Variants in CDC5L observed in about 807,000 individuals in gnomAD.
CDC5L encodes the protein cell division cycle 5 like.
A neutral mutation model predicts 104.1 loss-of-function variants in CDC5L; 18 were observed. That is an observed-to-expected ratio of 0.17 (90% CI 0.12 to 0.26). The LOEUF (loss-of-function observed/expected upper bound fraction) is 0.26. Ranked by LOEUF, CDC5L falls within the 10% of genes least tolerant of loss-of-function variation. CDC5L has a pLI of 1.00. For missense variants in CDC5L, 673 were observed against 956.9 expected, an observed-to-expected ratio of 0.70 and a Z score of 3.91; for synonymous variants, 331 against 322.7, an observed-to-expected ratio of 1.03 and a Z score of -0.28.
At chr6:44,397,535 C>T (rs1244374437) in intron 5 of CDC5L, among the ~76,000 whole-genome samples, 1 of 152,152 alleles carries the variant, frequency 6.6e-6, no homozygotes, top group Non-Finnish European at 1.5e-5. Context: ...AGAGGTAATG[C>T]CCAGTTTATC....
chr6:44,404,453 A>G (rs1244463101), intron 6 of CDC5L, among the ~76,000 whole-genome samples: 3 of 152,088 alleles, frequency 2.0e-5, no homozygotes, highest in Admixed American at 6.6e-5. Flanking sequence ...TATTAGTACA[A>G]TGTGGCCTAC....
At chr6:44,409,710 CT>C (rs1791542311) in intron 8 of CDC5L, among the ~76,000 whole-genome samples, 1 of 152,162 alleles carries the variant, frequency 6.6e-6, no homozygotes, top group Admixed American at 6.5e-5. Flanking sequence ...TTGAAGAAAT[CT>C]TTCTTAGAAC....
rs12196243 is a variant in CDC5L at position 44,441,964 on chromosome 6, G to A, written c.2092-3691G>A. Among the ~76,000 whole-genome samples, 12 of 120,974 alleles carry A rather than the reference G, an allele frequency of 9.9e-5. No individual in the cohort carries two copies. The Admixed American group carries it at 1.2e-3, about 12-fold the overall frequency. The allele number at this position is 120,974 out of a possible 152,430, so 79.4% of individuals were successfully genotyped here. On this transcript the variant is annotated intron_variant, in intron 14 of 15. Coordinates refer to ENST00000371477, the MANE Select transcript of CDC5L (RefSeq NM_001253.4). ...TTTTTTTTTTTTTTTTTGAGACAGA[G>A]CCTCCTTCTGTCGCCAGGCTGGAGT...
chr6:44,422,614 C>CA, intron 9 of CDC5L, 33 bp from the exon 10 acceptor site: 3 of 1,410,962 alleles, frequency 2.1e-6, no homozygotes, highest in Non-Finnish European at 2.9e-6. Context: ...ATGTAAGTGG[C>CA]ACTTCTGTTA....
At chr6:44,404,647 A>G (rs1362646824) in intron 6 of CDC5L, among the ~76,000 whole-genome samples, 3 of 152,128 alleles carry the variant, frequency 2.0e-5, no homozygotes, top group Admixed American at 6.6e-5. Flanking sequence ...TAGTTTTACT[A>G]GTGGCTGAGG....
At chr6:44,393,643 C>G in intron 4 of CDC5L, 70 bp downstream of exon 4, 4 of 1,439,664 alleles carry the variant, frequency 2.8e-6, no homozygotes, top group Non-Finnish European at 3.8e-6. Flanking sequence ...TCTTTTAGTT[C>G]CTTTCTGAAC....
chr6:44,416,810 T>C (rs780699601), intron 8 of CDC5L, among the ~76,000 whole-genome samples: 36 of 152,210 alleles, frequency 2.4e-4, no homozygotes, highest in Non-Finnish European at 3.2e-4. Flanking sequence ...CGTCACCCAC[T>C]CTTCCAGGAA....
chr6:44,396,501 A>AG, intron 5 of CDC5L, 61 bp downstream of exon 5: 8 of 1,056,360 alleles, frequency 7.6e-6, no homozygotes, highest in Non-Finnish European at 1.1e-5. Context: ...TCAACACAGA[A>AG]TACTTCTGTG....
Position 44,446,708 on chromosome 6 carries a change from C to G in CDC5L, c.2406C>G (p.Phe802Leu). Reference sequence around the variant, plus strand: ...AGAAAGAGACTTTAAAGTCAAAATTCTGAAGTACAGTTTATATTCTGTCAC... The same window carrying G: ...AGAAAGAGACTTTAAAGTCAAAATTGTGAAGTACAGTTTATATTCTGTCAC... Reference protein sequence around the residue: ...LLEKETLKSKF With the variant: ...LLEKETLKSKL Residue 802 changes from phenylalanine to leucine, a missense_variant, in exon 16 of 16, where the codon TTC becomes TTG. Physicochemically the swap from Phe to Leu is conservative, Grantham distance 22. This residue lies in a region of CDC5L where 578 missense variants were observed against 737.0 expected (regional missense o/e 0.78). Transcript: ENST00000371477. 1 of 1,469,144 alleles carries G rather than the reference C, an allele frequency of 6.8e-7. No homozygotes were observed. The highest frequency in any genetic ancestry group is 9.4e-7 in the Non-Finnish European group (1 of 1,061,420). The allele number at this position is 1,469,144 out of a possible 1,614,324, so 91.0% of individuals were successfully genotyped here.
intron 4 of CDC5L, among the ~76,000 whole-genome samples, chr6:44,395,881 G>A (rs1448217956): frequency 2.0e-5 from 3 of 151,522 alleles, no homozygotes; most frequent in African/African-American, 7.3e-5. Context: ...GTTCTGAGGG[G>A]AAAAAAAAGT....
At chr6:44,435,279 A>C (rs1187901993) in intron 14 of CDC5L, among the ~76,000 whole-genome samples, 1 of 151,632 alleles carries the variant, frequency 6.6e-6, no homozygotes, top group Non-Finnish European at 1.5e-5. Context: ...TTTTTTTGAG[A>C]GATATTTGTT....
Position 44,449,284 on chromosome 6 carries a change from T to C in CDC5L, c.*2573T>C, listed in dbSNP as rs552102155. 6.6e-6 allele frequency: 1 copy of C among 152,196 alleles called. No homozygotes were observed. Among genetic ancestry groups the C allele is most frequent in the African/African-American group, 2.4e-5 (1 of 41,454 alleles). The allele number at this position is 152,196 out of a possible 1,614,324, so 9.4% of individuals were successfully genotyped here. A position where few individuals can be genotyped will look rare whatever the true frequency, so the allele number is the denominator to read the frequency against. On this transcript the variant is annotated 3_prime_UTR_variant, in exon 16 of 16. Coordinates refer to ENST00000371477, the MANE Select transcript of CDC5L (RefSeq NM_001253.4). Reference sequence around the variant, plus strand: ...CACTTGAAATGGTGAACAGACACACTGTTATCCTTTGTCAGTATCCTGTAA... The same window carrying C: ...CACTTGAAATGGTGAACAGACACACCGTTATCCTTTGTCAGTATCCTGTAA...
chr6:44,418,710 C>CTTGTGGTTTTGAT (rs1398622560), intron 8 of CDC5L, among the ~76,000 whole-genome samples: 2 of 151,944 alleles, frequency 1.3e-5, no homozygotes, highest in Non-Finnish European at 2.9e-5. Context: ...ATGGTATCTC[C>CTTGTGGTTTTGAT]TTGTGGTTTT....
At chr6:44,442,738 G>C (rs1051159219) in intron 14 of CDC5L, among the ~76,000 whole-genome samples, 1 of 152,092 alleles carries the variant, frequency 6.6e-6, no homozygotes, top group African/African-American at 2.4e-5. Flanking sequence ...ACTGCCATTA[G>C]AGTATTAGAA....
intron 15 of CDC5L, among the ~76,000 whole-genome samples, chr6:44,446,400 G>A (rs1793455652): frequency 6.6e-6 from 1 of 152,202 alleles, no homozygotes; most frequent in African/African-American, 2.4e-5. Context: ...ATTTGAAGTA[G>A]CAGCAGGATT....
At position 44,426,443 on chromosome 6, in the gene CDC5L, G is replaced by A. The variant is rs773493133; in HGVS notation, c.1651-39G>A. On this transcript the variant is annotated intron_variant, in intron 12 of 15. Coordinates refer to ENST00000371477, the MANE Select transcript of CDC5L (RefSeq NM_001253.4). ...CAGGTAATAACATTAATATATTATA[G>A]TGATATGTTTGGTAATTGTATTTGT... 2.6e-6 allele frequency: 3 copies of A among 1,142,750 alleles called. No individual in the cohort carries two copies. The South Asian group carries it at 4.0e-5, about 15-fold the overall frequency. The allele number at this position is 1,142,750 out of a possible 1,614,324, so 70.8% of individuals were successfully genotyped here.
rs1373985457 is a variant in CDC5L, at chr6:44,448,707, T to C, written c.*1996T>C. On this transcript the variant is annotated 3_prime_UTR_variant, in exon 16 of 16. Transcript: ENST00000371477. ...ATGATAGTGTTTCTTCTGATAGTTTTATTTCACTTTTATTGCATGTTTTGT... is the reference window on the plus strand; with the variant it reads ...ATGATAGTGTTTCTTCTGATAGTTTCATTTCACTTTTATTGCATGTTTTGT... 3 of 152,258 alleles carry C rather than the reference T, an allele frequency of 2.0e-5. No homozygotes were observed. Among genetic ancestry groups the C allele is most frequent in the Admixed American group, 6.5e-5 (1 of 15,294 alleles). 9.4% of individuals were successfully genotyped at this position (152,258 alleles called of 1,614,324 possible). A position where few individuals can be genotyped will look rare whatever the true frequency, so the allele number is the denominator to read the frequency against.
chr6:44,427,789 C>T (rs1024273903), intron 13 of CDC5L, among the ~76,000 whole-genome samples: 3 of 152,080 alleles, frequency 2.0e-5, no homozygotes, highest in African/African-American at 7.2e-5. Context: ...TTGATACTTG[C>T]ACAGTTTCCT....
intron 11 of CDC5L, 90 bp downstream of exon 11, chr6:44,424,673 C>T: frequency 8.2e-7 from 1 of 1,224,176 alleles, no homozygotes. Context: ...GTCCCAAGAT[C>T]TCTACCTAGT....
Sources: allele counts gnomAD v4.1 joint callset (sites outside exome capture counted in the v4.1 genomes callset), GRCh38; gene constraint gnomAD v4.1.1; regional missense constraint gnomAD v4.1.1; transcripts MANE v1.5; gene names NCBI Gene and HGNC (gene_info 2026-07-23, HGNC 2026-07-21).